The following NTNG2 variants were observed in gnomAD, a reference collection of about 807,000 sequenced individuals.
NTNG2 encodes netrin G2.
In NTNG2, 15 loss-of-function variants were observed where a neutral mutation model predicts 47.6. The ratio of observed to expected loss-of-function variants is 0.32; its 90% confidence interval spans 0.21 to 0.49. The LOEUF is 0.49. Ranked by LOEUF, NTNG2 falls within the 20% of genes least tolerant of loss-of-function variation. The probability of loss-of-function intolerance (pLI) is 0.99; values close to 1 mark genes in which losing one functional copy is unlikely to be tolerated. For synonymous variants in NTNG2, 307 were observed against 324.6 expected (o/e 0.95, Z 0.58); for missense variants, 578 against 764.6 (o/e 0.76, Z 2.88).
chr9:132,212,701 G>A (rs1839678923), intron 3 of NTNG2, among the ~76,000 whole-genome samples: 1 of 152,126 alleles, frequency 6.6e-6, no homozygotes, highest in Admixed American at 6.6e-5. Flanking sequence ...GCATCCAACA[G>A]CCTCCTTCCC....
chr9:132,230,578 C>T lies in NTNG2; in HGVS notation c.1037C>T (p.Thr346Ile), dbSNP rs778106155. Residue 346 changes from threonine to isoleucine, a missense_variant, in exon 5 of 8, where the codon ACT (threonine) becomes ATT (isoleucine). By Grantham distance (89) the Thr-to-Ile change is moderately conservative. Coordinates refer to ENST00000393229, the MANE Select transcript of NTNG2 (RefSeq NM_032536.4). ...LPHGSPNACA[T>I]AGSFGNCECY... ...GCCCGTCTCTCTCCCACAGGTGCCA[C>T]TGCAGGTTCCTTTGGCAGTAAGTAC... 5.0e-6 allele frequency: 8 copies of T among 1,604,728 alleles called. No individual in the cohort carries two copies. The Admixed American group carries it at 6.8e-5, about 14-fold the overall frequency.
chr9:132,179,097 C>A (rs928416672), intron 2 of NTNG2, among the ~76,000 whole-genome samples: 4 of 152,150 alleles, frequency 2.6e-5, no homozygotes, highest in Admixed American at 2.6e-4. Flanking sequence ...CTGGAGGCTC[C>A]ACCCCAGGCC....
At chr9:132,177,053 G>A (rs560906339) in intron 2 of NTNG2, among the ~76,000 whole-genome samples, 1 of 152,302 alleles carries the variant, frequency 6.6e-6, no homozygotes, top group African/African-American at 2.4e-5. Context: ...GCAGTGTTGT[G>A]ATCTTGGCTC....
rs890796016 is a variant in NTNG2, at chr9:132,227,731, G to A, written c.1030+710G>A. Among the ~76,000 whole-genome samples, 3 of 152,146 alleles carry A rather than the reference G, an allele frequency of 2.0e-5. No homozygotes were observed. In the East Asian group the frequency reaches 5.8e-4, roughly 29 times the overall value. ...CAGCCATGCCAGGGAGCCATCCTCAGGGCCTGCCCACTCACATCTGCATCA... is the reference window on the plus strand; with the variant it reads ...CAGCCATGCCAGGGAGCCATCCTCAAGGCCTGCCCACTCACATCTGCATCA... On this transcript the variant is annotated intron_variant, in intron 4 of 7. Coordinates refer to ENST00000393229, the MANE Select transcript of NTNG2 (RefSeq NM_032536.4).
intron 2 of NTNG2, among the ~76,000 whole-genome samples, chr9:132,177,817 C>A (rs895911643): frequency 2.6e-5 from 4 of 152,168 alleles, no homozygotes; most frequent in African/African-American, 9.7e-5. Flanking sequence ...GCCAGCACGC[C>A]CAGCTAATTT....
chr9:132,162,581 T>A lies in NTNG2; in HGVS notation c.-484+342T>A, dbSNP rs867772317. Among the ~76,000 whole-genome samples, 2 of 99,976 alleles carry A rather than the reference T, an allele frequency of 2.0e-5. No individual in the cohort carries two copies. The highest frequency in any genetic ancestry group is 3.5e-4 in the East Asian group (1 of 2,886). 65.6% of individuals were successfully genotyped at this position (99,976 alleles called of 152,430 possible). A position where few individuals can be genotyped will look rare whatever the true frequency, so the allele number is the denominator to read the frequency against. The stretch of plus-strand genomic sequence containing the variant: ...GAGAGAGAGACAGAGTGTGTGTGTG[T>A]GTGTGTGTGTGTGTGTGTGTGTGTG... On this transcript the variant is annotated intron_variant, in intron 1 of 7. Transcript: ENST00000393229. This position sits in a 1 kb window ranked among gnomAD's most constrained non-coding sequence, Gnocchi z 4.6.
intron 4 of NTNG2, 86 bp downstream of exon 4, chr9:132,227,107 GCA>G: frequency 7.1e-7 from 1 of 1,403,284 alleles, no homozygotes. Flanking sequence ...TCATACACAC[GCA>G]CACAAACCTG....
intron 2 of NTNG2, among the ~76,000 whole-genome samples, chr9:132,167,652 A>G (rs1349422617): frequency 6.6e-6 from 1 of 152,140 alleles, no homozygotes; most frequent in Non-Finnish European, 1.5e-5. Flanking sequence ...ACATGCAATG[A>G]TGGCAGCCCC....
At chr9:132,225,691 C>T (rs544900362) in intron 3 of NTNG2, among the ~76,000 whole-genome samples, 3 of 152,160 alleles carry the variant, frequency 2.0e-5, no homozygotes, top group Non-Finnish European at 4.4e-5. Context: ...CATAAATATA[C>T]GTTCCATTTG....
chr9:132,225,360 T>C (rs923144391), intron 3 of NTNG2, among the ~76,000 whole-genome samples: 1 of 152,200 alleles, frequency 6.6e-6, no homozygotes, highest in Admixed American at 6.5e-5. Context: ...AGCCTTGAAC[T>C]CCTGGGCTCA....
chr9:132,219,739 C>T (rs1840231167), intron 3 of NTNG2, among the ~76,000 whole-genome samples: 1 of 152,176 alleles, frequency 6.6e-6, no homozygotes, highest in Admixed American at 6.5e-5. Flanking sequence ...TGCCTGCTTA[C>T]ACATTTTGTT....
intron 2 of NTNG2, among the ~76,000 whole-genome samples, chr9:132,183,518 T>G (rs1303327483): frequency 6.6e-6 from 1 of 151,776 alleles, no homozygotes; most frequent in East Asian, 1.9e-4. Context: ...AAATCCCACC[T>G]CCCCCAGGAA....
At chr9:132,171,003 AG>A (rs940504076) in intron 2 of NTNG2, among the ~76,000 whole-genome samples, 2 of 152,018 alleles carry the variant, frequency 1.3e-5, no homozygotes, top group African/African-American at 4.8e-5. Context: ...GGCATTGCTG[AG>A]GGGAGACAGG....
intron 3 of NTNG2, among the ~76,000 whole-genome samples, chr9:132,210,396 C>T (rs1007571185): frequency 2.6e-5 from 4 of 152,204 alleles, no homozygotes; most frequent in Admixed American, 1.3e-4. Context: ...CATGTTCCTC[C>T]GTCACTCGCC....
At position 132,198,109 on chromosome 9, in the gene NTNG2, G is replaced by A; in HGVS notation, c.357G>A (p.Leu119=). 1.2e-6 allele frequency: 2 copies of A among 1,613,908 alleles called. No homozygotes were observed. The highest frequency in any genetic ancestry group is 1.1e-5 in the South Asian group (1 of 91,084). The change falls in exon 3 of 8, where the codon CTG becomes CTA. Residue 119 remains leucine (L), a synonymous_variant. Transcript: ENST00000393229. ...CCTGGAGCCGCTACCCCAGCCCGCT[G>A]GAAGCCAACATCACCCTTTCGTGGA... ...SITWSRYPSP[L]EANITLSWNK... is the part of the protein sequence containing the mutation.
rs1453034973 is a variant in NTNG2 at position 132,162,619 on chromosome 9, G to A, written c.-484+380G>A. On this transcript the variant is annotated intron_variant, in intron 1 of 7. Transcript: ENST00000393229. This position sits in a 1 kb window ranked among gnomAD's most constrained non-coding sequence, Gnocchi z 4.6. ...GTGTGTGTGTGTGTGTGTGTGTGTCGGGGAGGGATGTTGCAAGGATGCTCG... is the reference window on the plus strand; with the variant it reads ...GTGTGTGTGTGTGTGTGTGTGTGTCAGGGAGGGATGTTGCAAGGATGCTCG... Among the ~76,000 whole-genome samples the A allele has an allele frequency of 1.3e-5, 1 of 77,420 alleles. No homozygotes were observed. Among genetic ancestry groups the A allele is most frequent in the African/African-American group, 4.8e-5 (1 of 21,004 alleles). The allele number at this position is 77,420 out of a possible 152,430, so 50.8% of individuals were successfully genotyped here. A position where few individuals can be genotyped will look rare whatever the true frequency, so the allele number is the denominator to read the frequency against.
chr9:132,196,357 A>AT (rs1425845439), intron 2 of NTNG2, among the ~76,000 whole-genome samples: 1 of 151,580 alleles, frequency 6.6e-6, no homozygotes, highest in African/African-American at 2.4e-5. Flanking sequence ...CGCCCGGGTA[A>AT]TTTTTTTGTA....
intron 3 of NTNG2, among the ~76,000 whole-genome samples, chr9:132,203,481 G>A (rs1838938457): frequency 6.6e-6 from 1 of 152,224 alleles, no homozygotes; most frequent in Non-Finnish European, 1.5e-5. Context: ...CGCCTCACAA[G>A]ACAGTGGACC....
rs893523179 is a variant in NTNG2 at position 132,162,735 on chromosome 9, T to C, written c.-484+496T>C. The stretch of plus-strand genomic sequence containing the variant: ...ACCGCTTAGAGCCACCCCCATCCCG[T>C]GCCCTCCCATCTCTCTGCAAACTGG... On this transcript the variant is annotated intron_variant, in intron 1 of 7. Coordinates refer to ENST00000393229, the MANE Select transcript of NTNG2 (RefSeq NM_032536.4). The surrounding 1 kb of genome is among the most constrained non-coding windows in gnomAD (Gnocchi z 4.6). Among the ~76,000 whole-genome samples, 2 of 151,496 alleles carry C rather than the reference T, an allele frequency of 1.3e-5. No individual in the cohort carries two copies. The highest frequency in any genetic ancestry group is 1.5e-5 in the Non-Finnish European group (1 of 67,854).
Sources: gnomAD v4.1 joint callset for allele counts (sites outside exome capture counted in the v4.1 genomes callset) on GRCh38, gnomAD v4.1.1 for gene constraint, Gnocchi (gnomAD v3.1) non-coding constraint, MANE v1.5 for transcripts, NCBI Gene and HGNC (gene_info 2026-07-23, HGNC 2026-07-21) for gene names.